Variants in AUTS2 observed in about 807,000 individuals in gnomAD.
AUTS2 encodes activator of transcription and developmental regulator AUTS2, also known as autism susceptibility gene 2 protein.
Under a neutral mutation model 112.4 loss-of-function variants are expected in AUTS2, and 17 were observed. The ratio of observed to expected loss-of-function variants is 0.15; its 90% CI spans 0.10 to 0.23. The LOEUF (loss-of-function observed/expected upper bound fraction) is 0.23. Among genes scored for constraint, AUTS2 ranks in the 10% least tolerant of loss-of-function variants. The pLI is 1.00. For synonymous variants in AUTS2, 751 were observed against 702.7 expected, an observed-to-expected ratio of 1.07 and a Z score of -1.09; for missense variants, 1,510 against 1,701.6, an observed-to-expected ratio of 0.89 and a Z score of 1.98.
chr7:69,799,937 A>G (rs1259540828), intron 1 of AUTS2, among the ~76,000 whole-genome samples: 1 of 152,100 alleles, frequency 6.6e-6, no homozygotes, highest in East Asian at 1.9e-4. Flanking sequence ...TATAAATGAC[A>G]TTATTTTTCA....
At position 70,771,588 on chromosome 7, in the gene AUTS2, C is replaced by G. The variant is rs199756061; in HGVS notation, c.1774C>G (p.Pro592Ala). 1.3e-3 allele frequency: 2,105 copies of G among 1,613,758 alleles called. 46 individuals are homozygous for G. In the South Asian group the frequency reaches 0.021, roughly 16 times the overall value. The change falls in exon 11 of 19, where the codon CCT (proline) becomes GCT (alanine). Residue 592 changes from proline to alanine, a missense_variant. Coordinates refer to ENST00000342771, the MANE Select transcript of AUTS2 (RefSeq NM_015570.4). Reference protein sequence around the residue: ...SYPPAVSGIPPMIPPTGPFGS... With the variant: ...SYPPAVSGIPAMIPPTGPFGS... The stretch of plus-strand genomic sequence containing the variant: ...TCCTCCTGCAGTGTCGGGCATCCCC[C>G]CTATGATCCCACCCACTGGCCCTTT...
intron 4 of AUTS2, among the ~76,000 whole-genome samples, chr7:70,307,561 A>G (rs981902355): frequency 6.6e-6 from 1 of 152,250 alleles, no homozygotes; most frequent in South Asian, 2.1e-4. Context: ...TTTACATACA[A>G]TAGCTGTAAA....
intron 5 of AUTS2, among the ~76,000 whole-genome samples, chr7:70,602,788 T>C (rs1000888267): frequency 5.9e-5 from 9 of 152,232 alleles, no homozygotes; most frequent in African/African-American, 2.2e-4. Flanking sequence ...ATTTGTGTAC[T>C]AAGTAGCCCT....
At chr7:70,249,821 C>T (rs1786491586) in intron 4 of AUTS2, among the ~76,000 whole-genome samples, 1 of 149,218 alleles carries the variant, frequency 6.7e-6, no homozygotes, top group South Asian at 2.1e-4. Context: ...AAGTTGGGTC[C>T]ATTTGTTCTT....
intron 2 of AUTS2, among the ~76,000 whole-genome samples, chr7:70,021,534 G>A (rs1563045327): frequency 6.6e-6 from 1 of 152,074 alleles, no homozygotes; most frequent in South Asian, 2.1e-4. Flanking sequence ...TGCTCTATGT[G>A]TTTTCTAGGC....
intron 4 of AUTS2, among the ~76,000 whole-genome samples, chr7:70,145,936 A>G (rs1268429269): frequency 6.6e-6 from 1 of 152,102 alleles, no homozygotes; most frequent in Non-Finnish European, 1.5e-5. Context: ...CTGCTTTTTC[A>G]AGTCAAGGTG....
At chr7:70,655,689 C>T (rs1474723740) in intron 5 of AUTS2, among the ~76,000 whole-genome samples, 4 of 152,126 alleles carry the variant, frequency 2.6e-5, no homozygotes, top group Non-Finnish European at 5.9e-5. Flanking sequence ...AAGAGATTGC[C>T]GTTATTGGCT....
chr7:70,767,765 G>A (rs1486580014), intron 9 of AUTS2, among the ~76,000 whole-genome samples: 2 of 152,216 alleles, frequency 1.3e-5, no homozygotes, highest in Admixed American at 6.5e-5. Flanking sequence ...GTGCCAATCT[G>A]TAGAAAGAAA....
At chr7:70,332,636 C>A (rs767368805) in intron 4 of AUTS2, among the ~76,000 whole-genome samples, 2 of 152,084 alleles carry the variant, frequency 1.3e-5, no homozygotes, top group African/African-American at 2.4e-5. Flanking sequence ...TGGAACAGAA[C>A]GGTGGCCTCA....
chr7:70,556,706 G>T (rs1004612267), intron 5 of AUTS2, among the ~76,000 whole-genome samples: 3 of 152,118 alleles, frequency 2.0e-5, no homozygotes, highest in African/African-American at 7.2e-5. Flanking sequence ...AGCTCCATGT[G>T]TCAACATTAC....
chr7:70,760,932 G>T (rs1245778479), intron 6 of AUTS2, among the ~76,000 whole-genome samples: 1 of 152,180 alleles, frequency 6.6e-6, no homozygotes, highest in Non-Finnish European at 1.5e-5. Flanking sequence ...CCATCTCGCT[G>T]GTGTTATTGT....
intron 1 of AUTS2, among the ~76,000 whole-genome samples, chr7:69,623,935 TTAGAGATATAAG>T (rs1443397177): frequency 6.6e-6 from 1 of 152,146 alleles, no homozygotes; most frequent in African/African-American, 2.4e-5. Flanking sequence ...TCCCAAGAAA[TTAGAGATATAAG>T]TAAAGGTTGA....
chr7:70,668,797 T>C (rs1417022287), intron 5 of AUTS2, among the ~76,000 whole-genome samples: 1 of 152,214 alleles, frequency 6.6e-6, no homozygotes, highest in African/African-American at 2.4e-5. Flanking sequence ...AAATAGACTT[T>C]ACTCTTGTCA....
intron 5 of AUTS2, among the ~76,000 whole-genome samples, chr7:70,524,145 C>T (rs1368702392): frequency 6.6e-6 from 1 of 152,176 alleles, no homozygotes; most frequent in Non-Finnish European, 1.5e-5. Flanking sequence ...TATCTATTGA[C>T]ACTAGTTTAT....
At chr7:70,370,367 C>G (rs1792785668) in intron 4 of AUTS2, among the ~76,000 whole-genome samples, 1 of 152,126 alleles carries the variant, frequency 6.6e-6, no homozygotes, top group Non-Finnish European at 1.5e-5. Flanking sequence ...GGTAACCAAC[C>G]CTCTATTTTT....
At chr7:69,678,780 G>A (rs943697424) in intron 1 of AUTS2, among the ~76,000 whole-genome samples, 1 of 152,188 alleles carries the variant, frequency 6.6e-6, no homozygotes, top group African/African-American at 2.4e-5. Context: ...ACAGATTTAC[G>A]CTCTGTGCTG....
At chr7:70,746,678 G>A (rs1252239624) in intron 6 of AUTS2, among the ~76,000 whole-genome samples, 3 of 152,094 alleles carry the variant, frequency 2.0e-5, no homozygotes, top group South Asian at 2.1e-4. Context: ...AGGGGAGAGC[G>A]CAGGATCTTG....
rs528919294 is a variant in AUTS2, at chr7:70,439,066, A to G, written c.690+3285A>G. Reference sequence around the variant, plus strand: ...TTATAAAATGATACCCTTACTAATTAACGTGGAAGTGACTCCGAAAGGGGC... The same window carrying G: ...TTATAAAATGATACCCTTACTAATTGACGTGGAAGTGACTCCGAAAGGGGC... On this transcript the variant is annotated intron_variant, in intron 5 of 18. Coordinates refer to ENST00000342771, the MANE Select transcript of AUTS2 (RefSeq NM_015570.4). Among the ~76,000 whole-genome samples the G allele has an allele frequency of 2.0e-5, 3 of 152,384 alleles. No individual in the cohort carries two copies. The East Asian group carries it at 5.8e-4, about 29-fold the overall frequency.
chr7:70,693,924 C>T (rs1808895529), intron 5 of AUTS2: 1 of 152,044 alleles, frequency 6.6e-6, no homozygotes, highest in African/African-American at 2.4e-5. Context: ...GACCGCGCCT[C>T]CGCTGGGCCG....
Sources: allele counts gnomAD v4.1 joint callset (sites outside exome capture counted in the v4.1 genomes callset), GRCh38; gene constraint gnomAD v4.1.1; transcripts MANE v1.5; gene names NCBI Gene and HGNC (gene_info 2026-07-23, HGNC 2026-07-21).